The following FBN1 variants were observed in gnomAD, a reference collection of about 807,000 sequenced individuals.
FBN1 encodes the protein fibrillin-1.
A neutral mutation model predicts 365.1 loss-of-function variants in FBN1; 29 were observed. The observed-to-expected ratio is 0.08, with a 90% confidence interval of 0.06 to 0.11. FBN1 has a LOEUF of 0.11. Among genes scored for constraint, FBN1 ranks in the 10% least tolerant of loss-of-function variants. The pLI is 1.00. For synonymous variants in FBN1, 1,210 were observed against 1,270.5 expected (o/e 0.95, Z 1.01); for missense variants, 2,476 against 3,703.2 (o/e 0.67, Z 8.60).
At chr15:48,454,590 A>G (rs1007554165) in intron 44 of FBN1, among the ~76,000 whole-genome samples, 2 of 152,224 alleles carry the variant, frequency 1.3e-5, no homozygotes, top group Non-Finnish European at 2.9e-5. Flanking sequence ...GGAACAATCT[A>G]ATTTACAGAC....
At chr15:48,598,111 A>C (rs978714610) in intron 5 of FBN1, among the ~76,000 whole-genome samples, 1 of 152,024 alleles carries the variant, frequency 6.6e-6, no homozygotes, top group Non-Finnish European at 1.5e-5. Flanking sequence ...GATCTTTCTC[A>C]CTGTAAACCT....
Position 48,444,525 on chromosome 15 carries a change from C to G in FBN1, c.6037+16G>C. The G allele has an allele frequency of 6.2e-7, 1 of 1,613,072 alleles. No individual in the cohort carries two copies. The highest frequency in any genetic ancestry group is 1.1e-5 in the South Asian group (1 of 91,080). ...ACCCGACACTCCTCATTTGCTACAA[C>G]TGATAGCTTTCCTACCTTCACACTT... is the stretch of plus-strand genomic sequence containing the variant. On this transcript the variant is annotated intron_variant, in intron 49 of 65. Transcript: ENST00000316623.
Position 48,446,919 on chromosome 15 carries a change from C to T in FBN1, c.5672-97G>A, listed in dbSNP as rs1057203222. ...AAGAGCATTTTAGGGTTCACCAGGC[C>T]TCATCCATAGGCTGAGAACTTCTTG... On this transcript the variant is annotated intron_variant, in intron 46 of 65. Coordinates refer to ENST00000316623, the MANE Select transcript of FBN1 (RefSeq NM_000138.5). 3 of 794,872 alleles carry T rather than the reference C, an allele frequency of 3.8e-6. No individual in the cohort carries two copies. The African/African-American group carries it at 5.1e-5, about 14-fold the overall frequency. 49.2% of individuals were successfully genotyped at this position (794,872 alleles called of 1,614,324 possible).
chr15:48,585,712 T>C (rs192282811), intron 6 of FBN1, among the ~76,000 whole-genome samples: 19 of 152,330 alleles, frequency 1.2e-4, no homozygotes, highest in Middle Eastern at 3.4e-3. Context: ...GGGAGTACCA[T>C]AGTCTGACTG....
intron 2 of FBN1, among the ~76,000 whole-genome samples, chr15:48,617,416 G>A (rs533458498): frequency 4.8e-4 from 73 of 151,738 alleles, no homozygotes; most frequent in South Asian, 2.1e-3. Flanking sequence ...CTCGTGATCC[G>A]CCCGCCTCTG....
intron 7 of FBN1, 86 bp downstream of exon 7, chr15:48,537,525 T>G (rs1010294725): frequency 5.8e-6 from 9 of 1,542,098 alleles, no homozygotes; most frequent in Non-Finnish European, 8.0e-6. Flanking sequence ...TGACACTACT[T>G]TTCCATTCTC....
intron 49 of FBN1, among the ~76,000 whole-genome samples, chr15:48,442,194 T>C (rs906835751): frequency 1.3e-5 from 2 of 152,176 alleles, no homozygotes; most frequent in Admixed American, 1.3e-4. Flanking sequence ...AGAGTCACAC[T>C]GCACCATTGT....
In FBN1 at chr15:48,535,568, C is replaced by A. The variant is rs964958594; in HGVS notation, c.737-1363G>T. Among the ~76,000 whole-genome samples, 42 of 152,176 alleles carry A rather than the reference C, an allele frequency of 2.8e-4. 1 individual carries two copies. The highest frequency in any genetic ancestry group is 8.9e-4 in the African/African-American group (37 of 41,446). ...CCCCAAGCAAACAGTCTAATGTATT[C>A]TTTTTGAAACCTGGAAGCTTAATGT... On this transcript the variant is annotated intron_variant, in intron 7 of 65. Transcript: ENST00000316623.
intron 34 of FBN1, among the ~76,000 whole-genome samples, chr15:48,473,954 G>A (rs1177904732): frequency 6.6e-6 from 1 of 152,098 alleles, no homozygotes; most frequent in African/African-American, 2.4e-5. Context: ...GGTGGAGAAT[G>A]GTATGACTTT....
intron 58 of FBN1, among the ~76,000 whole-genome samples, chr15:48,427,334 G>A (rs369175811): frequency 1.3e-5 from 2 of 152,156 alleles, no homozygotes; most frequent in South Asian, 2.1e-4. Flanking sequence ...TTGAAGACTC[G>A]CTGGAATGCA....
In FBN1 at chr15:48,437,886, A is replaced by C; in HGVS notation, c.6195T>G (p.Phe2065Leu). 6.2e-7 allele frequency: 1 copy of C among 1,613,856 alleles called. No individual in the cohort carries two copies. The highest frequency in any genetic ancestry group is 8.5e-7 in the Non-Finnish European group (1 of 1,179,824). Residue 2065 changes from phenylalanine (F) to leucine (L), a missense_variant, in exon 51 of 66, where the codon TTT (phenylalanine) becomes TTG (leucine). Transcript: ENST00000316623. ...TGGGTGATGAACACTTTCCTCCTTC[A>C]AACTTCGCATAACAGTAGCTCATTC... The part of the protein sequence containing the change: ...DLRMSYCYAK[F>L]EGGKCSSPKS...
intron 2 of FBN1, among the ~76,000 whole-genome samples, chr15:48,614,697 G>A (rs566407162): frequency 6.6e-6 from 1 of 152,296 alleles, no homozygotes; most frequent in Non-Finnish European, 1.5e-5. Flanking sequence ...TGAAATATGT[G>A]CATGATGTTA....
Position 48,560,244 on chromosome 15 carries a change from T to G in FBN1, c.539-22436A>C, listed in dbSNP as rs79570012. On this transcript the variant is annotated intron_variant, in intron 6 of 65. Transcript: ENST00000316623. ...AATCAATAAAGGATCCTAACTTTCC[T>G]GTAGGAGATAGCAATAAAAATAACA... is the stretch of plus-strand genomic sequence containing the variant. Among the ~76,000 whole-genome samples, 48 of 152,276 alleles carry G rather than the reference T, an allele frequency of 3.2e-4. 2 individuals are homozygous for G. In the East Asian group the frequency reaches 9.3e-3, roughly 29 times the overall value.
At chr15:48,609,478 A>T (rs1021338990) in intron 4 of FBN1, among the ~76,000 whole-genome samples, 3 of 152,242 alleles carry the variant, frequency 2.0e-5, no homozygotes, top group Non-Finnish European at 4.4e-5. Flanking sequence ...ACAAAAAGAG[A>T]AGGAAGCTAA....
At position 48,412,550 on chromosome 15, in the gene FBN1, A is replaced by G. The variant is rs371098191; in HGVS notation, c.8226+19T>C. On this transcript the variant is annotated intron_variant, in intron 65 of 65. Coordinates refer to ENST00000316623, the MANE Select transcript of FBN1 (RefSeq NM_000138.5). Reference sequence around the variant, plus strand: ...TTTCCACCACAGGAGACATCAGGAGAAACTAACTTCTGACCCACCTCGATA... The same window carrying G: ...TTTCCACCACAGGAGACATCAGGAGGAACTAACTTCTGACCCACCTCGATA... 5 of 1,613,378 alleles carry G rather than the reference A, an allele frequency of 3.1e-6. No homozygotes were observed. In the African/African-American group the frequency reaches 6.7e-5, roughly 22 times the overall value.
rs866600724 is a variant in FBN1, at chr15:48,453,322, G to C, written c.5423-638C>G. 8.7e-3 allele frequency among the ~76,000 whole-genome samples: 1,157 copies of C among 133,200 alleles called. 20 individuals are homozygous for C. The highest frequency in any genetic ancestry group is 0.031 in the African/African-American group (1,125 of 36,622). 87.4% of individuals were successfully genotyped at this position (133,200 alleles called of 152,430 possible). ...AAAAAAAACACACACAAAAAAAAAG[G>C]AAAAAAAAAGGAAAAAGAAAAAGAA... On this transcript the variant is annotated intron_variant, in intron 44 of 65. Coordinates refer to ENST00000316623, the MANE Select transcript of FBN1 (RefSeq NM_000138.5).
intron 2 of FBN1, among the ~76,000 whole-genome samples, chr15:48,622,634 C>T (rs1321424043): frequency 6.6e-6 from 1 of 152,100 alleles, no homozygotes; most frequent in Non-Finnish European, 1.5e-5. Flanking sequence ...TATTTCTATT[C>T]CCCTACAGCC....
At chr15:48,497,475 T>C (rs1323713853) in intron 18 of FBN1, 84 bp from the exon 19 acceptor site, 8 of 1,339,460 alleles carry the variant, frequency 6.0e-6, no homozygotes, top group Non-Finnish European at 8.4e-6. Context: ...CTACAATAAA[T>C]GTAATGACCT....
At chr15:48,516,038 T>C (rs1047849824) in intron 11 of FBN1, 145 bp downstream of exon 11, 14 of 763,666 alleles carry the variant, frequency 1.8e-5, no homozygotes, top group East Asian at 5.5e-5. Context: ...ACATATGATA[T>C]AGATATAGAT....
Sources: allele counts gnomAD v4.1 joint callset (sites outside exome capture counted in the v4.1 genomes callset), GRCh38; gene constraint gnomAD v4.1.1; transcripts MANE v1.5; gene names NCBI Gene and HGNC (gene_info 2026-07-23, HGNC 2026-07-21).